PPARGC1A: variants seen among roughly 807,000 people sequenced by gnomAD.
The protein encoded by PPARGC1A is PPARG coactivator 1 alpha, also known as peroxisome proliferator-activated receptor gamma coactivator 1-alpha.
A neutral mutation model predicts 88.7 loss-of-function variants in PPARGC1A; 25 were observed. That is an observed-to-expected ratio of 0.28 (90% CI 0.21 to 0.39). PPARGC1A has a LOEUF of 0.39. Among genes scored for constraint, PPARGC1A ranks in the 10% least tolerant of loss-of-function variants. PPARGC1A has a pLI of 1.00. For synonymous variants in PPARGC1A, 363 were observed against 355.6 expected (o/e 1.02, Z -0.24); for missense variants, 880 against 968.7 (o/e 0.91, Z 1.22).
the PPARGC1A span, among the ~76,000 whole-genome samples, chr4:24,405,438 T>G: frequency 6.6e-6 from 1 of 152,242 alleles, no homozygotes; most frequent in East Asian, 1.9e-4. Flanking sequence ...AGAGCTATTC[T>G]GCTAGAAGGA....
chr4:24,040,589 T>C, the PPARGC1A span, among the ~76,000 whole-genome samples: 2 of 152,170 alleles, frequency 1.3e-5, no homozygotes, highest in South Asian at 4.1e-4. Context: ...CATTAGTGAG[T>C]CCACTAATAA....
chr4:24,468,099 C>A, the PPARGC1A span, among the ~76,000 whole-genome samples: 2 of 152,140 alleles, frequency 1.3e-5, no homozygotes, highest in African/African-American at 2.4e-5. Context: ...CAGACCTGGC[C>A]TGCTTCGATT....
chr4:24,003,877 C>T, the PPARGC1A span, among the ~76,000 whole-genome samples: 24 of 146,980 alleles, frequency 1.6e-4, no homozygotes, highest in East Asian at 1.6e-3. Context: ...ATGGTTTGTA[C>T]GATTGAGATA....
chr4:24,127,445 G>A, the PPARGC1A span, among the ~76,000 whole-genome samples: 4 of 151,994 alleles, frequency 2.6e-5, no homozygotes, highest in Non-Finnish European at 4.4e-5. Flanking sequence ...TTTATCTGGT[G>A]GGGGTGAGGA....
the PPARGC1A span, among the ~76,000 whole-genome samples, chr4:24,160,577 G>A: frequency 3.9e-5 from 6 of 152,196 alleles, no homozygotes; most frequent in African/African-American, 7.2e-5. Flanking sequence ...TCTAAATTAG[G>A]TCATTCTTCC....
the PPARGC1A span, among the ~76,000 whole-genome samples, chr4:24,387,770 A>AGAGAGAGAGAGAGAG: frequency 1.4e-4 from 8 of 58,870 alleles, no homozygotes; most frequent in South Asian, 7.2e-4. Context: ...GAGAGAGAGA[A>AGAGAGAGAGAGAGAG]AGAAAGAAAG....
the PPARGC1A span, among the ~76,000 whole-genome samples, chr4:24,093,316 A>G: frequency 6.6e-6 from 1 of 152,214 alleles, no homozygotes; most frequent in African/African-American, 2.4e-5. Context: ...GTCAATTGTG[A>G]CACTTAAGTT....
chr4:23,828,350 T>G, intron 5 of PPARGC1A, 50 bp downstream of exon 5: 1 of 1,544,332 alleles, frequency 6.5e-7, no homozygotes, highest in South Asian at 1.1e-5. Context: ...GCATGTGCTT[T>G]CTTTGCTTCC....
chr4:24,166,650 A>G, the PPARGC1A span, among the ~76,000 whole-genome samples: 1 of 152,182 alleles, frequency 6.6e-6, no homozygotes, highest in African/African-American at 2.4e-5. Flanking sequence ...GAGGTAAGCA[A>G]CTCAGATAAT....
intron 2 of PPARGC1A, among the ~76,000 whole-genome samples, chr4:23,863,912 A>G (rs576219963): frequency 6.6e-6 from 1 of 152,074 alleles, no homozygotes; most frequent in Non-Finnish European, 1.5e-5. Flanking sequence ...ACGCCTGGCT[A>G]ATTTTTGTAT....
At chr4:24,364,799 G>A in the PPARGC1A span, among the ~76,000 whole-genome samples, 2 of 152,126 alleles carry the variant, frequency 1.3e-5, no homozygotes, top group African/African-American at 4.8e-5. Flanking sequence ...GGTTGAATTA[G>A]ACACTGCACA....
chr4:24,467,971 A>G, the PPARGC1A span, among the ~76,000 whole-genome samples: 1 of 152,244 alleles, frequency 6.6e-6, no homozygotes, highest in African/African-American at 2.4e-5. Flanking sequence ...TAAGCTACCC[A>G]GTAACCAAAA....
At chr4:24,068,062 G>C in the PPARGC1A span, among the ~76,000 whole-genome samples, 1 of 152,052 alleles carries the variant, frequency 6.6e-6, no homozygotes, top group African/African-American at 2.4e-5. Context: ...ATAGGTCCTC[G>C]GTCTTCCTGA....
chr4:24,051,187 C>CAAAAAAA, the PPARGC1A span, among the ~76,000 whole-genome samples: 18 of 58,576 alleles, frequency 3.1e-4, no homozygotes, highest in East Asian at 1.4e-3. Flanking sequence ...GACTCTGTCT[C>CAAAAAAA]AAAAAAAAAA....
chr4:23,807,002 T>C (rs1184202438), intron 10 of PPARGC1A, among the ~76,000 whole-genome samples: 1 of 152,198 alleles, frequency 6.6e-6, no homozygotes, highest in East Asian at 1.9e-4. Context: ...AATGTAGATT[T>C]CAGCTCTCTA....
At chr4:24,078,787 A>G in the PPARGC1A span, among the ~76,000 whole-genome samples, 1 of 152,026 alleles carries the variant, frequency 6.6e-6, no homozygotes, top group African/African-American at 2.4e-5. Flanking sequence ...TGTAGTTGGC[A>G]TTTCTTCCCC....
At chr4:23,887,771 G>C (rs552378654) in intron 1 of PPARGC1A, among the ~76,000 whole-genome samples, 1 of 152,182 alleles carries the variant, frequency 6.6e-6, no homozygotes, top group South Asian at 2.1e-4. Flanking sequence ...AGAGAAGAAG[G>C]AGTGGACTTG....
the PPARGC1A span, among the ~76,000 whole-genome samples, chr4:24,232,021 G>T: frequency 1.3e-5 from 2 of 152,044 alleles, no homozygotes; most frequent in Non-Finnish European, 2.9e-5. Flanking sequence ...CTTTTCTGTG[G>T]CTGTCTTCAA....
the PPARGC1A span, among the ~76,000 whole-genome samples, chr4:24,200,671 A>AAAAAAAAAAAAAAT: frequency 9.5e-5 from 14 of 146,632 alleles, no homozygotes; most frequent in Non-Finnish European, 1.2e-4. Context: ...AAAAAAAAAA[A>AAAAAAAAAAAAAAT]CTCCAGTAGA....
Sources: allele counts gnomAD v4.1 joint callset (sites outside exome capture counted in the v4.1 genomes callset), GRCh38; gene constraint gnomAD v4.1.1; transcripts MANE v1.5; gene names NCBI Gene and HGNC (gene_info 2026-07-23, HGNC 2026-07-21).